AUTS2: variants seen among roughly 807,000 people sequenced by gnomAD.
AUTS2 encodes autism susceptibility gene 2 protein.
A neutral mutation model predicts 112.4 loss-of-function variants in AUTS2; 17 were observed. The ratio of observed to expected loss-of-function variants is 0.15; its 90% CI spans 0.10 to 0.23. The LOEUF (loss-of-function observed/expected upper bound fraction) is 0.23, where lower values mean the gene tolerates loss of function less well. Among genes scored for constraint, AUTS2 ranks in the 10% least tolerant of loss-of-function variants. The probability of loss-of-function intolerance (pLI) is 1.00; values close to 1 mark genes in which losing one functional copy is unlikely to be tolerated. For synonymous variants in AUTS2, 751 were observed against 702.7 expected (o/e 1.07, Z -1.09); for missense variants, 1,510 against 1,701.6 (o/e 0.89, Z 1.98).
chr7:70,645,552 C>A (rs1247743402), intron 5 of AUTS2, among the ~76,000 whole-genome samples: 1 of 152,054 alleles, frequency 6.6e-6, no homozygotes, highest in Non-Finnish European at 1.5e-5. Context: ...GGTTTTTTCC[C>A]ATAGAGTTTT....
chr7:70,715,034 A>G (rs767580916), intron 6 of AUTS2, among the ~76,000 whole-genome samples: 3 of 152,200 alleles, frequency 2.0e-5, no homozygotes, highest in Non-Finnish European at 4.4e-5. Context: ...TGACTTTTCT[A>G]GCATTATTCC....
chr7:70,118,359 G>A, intron 3 of AUTS2, 126 bp downstream of exon 3: 1 of 1,142,000 alleles, frequency 8.8e-7, no homozygotes, highest in Non-Finnish European at 1.2e-6. Flanking sequence ...GTCTACCCAA[G>A]CATTGCGGTT....
At chr7:70,786,129 C>A in intron 17 of AUTS2, 91 bp downstream of exon 17, 1 of 1,137,228 alleles carries the variant, frequency 8.8e-7, no homozygotes, top group Non-Finnish European at 1.3e-6. Flanking sequence ...GAAAAGGAAA[C>A]TATGCTCTGG....
At chr7:70,582,118 T>C (rs750852770) in intron 5 of AUTS2, among the ~76,000 whole-genome samples, 1 of 152,042 alleles carries the variant, frequency 6.6e-6, no homozygotes, top group African/African-American at 2.4e-5. Flanking sequence ...GGTAATGAGT[T>C]GTTTTATTCT....
chr7:69,611,715 G>T (rs1016268836), intron 1 of AUTS2, among the ~76,000 whole-genome samples: 2 of 151,448 alleles, frequency 1.3e-5, no homozygotes, highest in African/African-American at 4.9e-5. Flanking sequence ...TGGATCACGA[G>T]GTCAGGAGAT....
chr7:70,597,861 C>A (rs1209971308), intron 5 of AUTS2, among the ~76,000 whole-genome samples: 1 of 152,158 alleles, frequency 6.6e-6, no homozygotes, highest in Non-Finnish European at 1.5e-5. Flanking sequence ...ACCTTGACTT[C>A]TTTTTCTTGC....
intron 1 of AUTS2, among the ~76,000 whole-genome samples, chr7:69,720,596 A>G (rs1158072675): frequency 2.0e-5 from 3 of 152,210 alleles, no homozygotes; most frequent in Non-Finnish European, 4.4e-5. Context: ...ATAAGTCCAC[A>G]TATTAGATTT....
intron 1 of AUTS2, among the ~76,000 whole-genome samples, chr7:69,819,784 A>T (rs1790907412): frequency 6.6e-6 from 1 of 152,096 alleles, no homozygotes. Flanking sequence ...AGCCTGGCTA[A>T]TTTTAGTGTA....
Position 70,717,527 on chromosome 7 carries a change from A to G in AUTS2, c.742+18907A>G, listed in dbSNP as rs374206579. Among the ~76,000 whole-genome samples the G allele has an allele frequency of 3.9e-4, 59 of 152,238 alleles. 3 individuals carry two copies. In the South Asian group the frequency reaches 8.9e-3, roughly 23 times the overall value. ...TATATGTGTCAGGGAGAGGAAATTG[A>G]TCTCCTGAGGGGTGGGTGGAAGAGC... On this transcript the variant is annotated intron_variant, in intron 6 of 18. Coordinates refer to ENST00000342771, the MANE Select transcript of AUTS2 (RefSeq NM_015570.4).
chr7:69,892,636 A>C (rs1167458454), intron 1 of AUTS2, among the ~76,000 whole-genome samples: 5 of 152,132 alleles, frequency 3.3e-5, no homozygotes, highest in Admixed American at 3.3e-4. Context: ...GTAATTTATC[A>C]ATTTATTCTT....
intron 6 of AUTS2, among the ~76,000 whole-genome samples, chr7:70,715,146 C>G (rs1282135598): frequency 6.6e-6 from 1 of 152,204 alleles, no homozygotes. Flanking sequence ...AGTAAATGCT[C>G]AATTCTCTCC....
chr7:70,015,646 G>A (rs1799993266), intron 2 of AUTS2, among the ~76,000 whole-genome samples: 1 of 152,166 alleles, frequency 6.6e-6, no homozygotes, highest in Non-Finnish European at 1.5e-5. Flanking sequence ...ATAATATACA[G>A]CAGACTGTGA....
chr7:70,314,091 A>C (rs547886408), intron 4 of AUTS2, among the ~76,000 whole-genome samples: 11 of 152,358 alleles, frequency 7.2e-5, no homozygotes, highest in Admixed American at 7.2e-4. Context: ...TGATAAGTGC[A>C]GAGCACTCTC....
intron 6 of AUTS2, among the ~76,000 whole-genome samples, chr7:70,753,426 C>T (rs1479503801): frequency 6.6e-6 from 1 of 152,210 alleles, no homozygotes; most frequent in Non-Finnish European, 1.5e-5. Flanking sequence ...AAGCACCCAT[C>T]ATTCCCCCTG....
At chr7:70,709,168 C>T (rs906811554) in intron 6 of AUTS2, among the ~76,000 whole-genome samples, 5 of 151,840 alleles carry the variant, frequency 3.3e-5, no homozygotes, top group African/African-American at 9.7e-5. Context: ...CCGCTCACCT[C>T]GGCCTCCCAA....
chr7:69,902,556 G>A (rs1162419753), intron 2 of AUTS2, among the ~76,000 whole-genome samples: 1 of 152,140 alleles, frequency 6.6e-6, no homozygotes, highest in Non-Finnish European at 1.5e-5. Context: ...TTAGGAAATG[G>A]TACTTCCTGA....
chr7:70,400,490 G>A (rs772671212), intron 4 of AUTS2, among the ~76,000 whole-genome samples: 4 of 152,176 alleles, frequency 2.6e-5, no homozygotes, highest in Non-Finnish European at 4.4e-5. Context: ...CAGTTTGACC[G>A]AGGTTAGGTG....
intron 4 of AUTS2, among the ~76,000 whole-genome samples, chr7:70,143,167 T>G (rs1353497587): frequency 2.6e-5 from 4 of 152,188 alleles, no homozygotes; most frequent in Non-Finnish European, 4.4e-5. Context: ...TGGGGCTTGT[T>G]AAAGAGGAAA....
At chr7:70,243,613 G>A (rs1420762445) in intron 4 of AUTS2, among the ~76,000 whole-genome samples, 1 of 152,060 alleles carries the variant, frequency 6.6e-6, no homozygotes, top group African/African-American at 2.4e-5. Context: ...TCAGCTCAAA[G>A]AGAAATAGTC....
Sources: allele counts gnomAD v4.1 joint callset (sites outside exome capture counted in the v4.1 genomes callset), GRCh38; gene constraint gnomAD v4.1.1; transcripts MANE v1.5; gene names NCBI Gene and HGNC (gene_info 2026-07-23, HGNC 2026-07-21).